LAMA2: variants seen among roughly 807,000 people sequenced by gnomAD.
LAMA2 encodes laminin subunit alpha 2, also known as laminin subunit alpha-2.
LAMA2 carries 269 observed loss-of-function variants against 364.8 expected under a neutral mutation model. The ratio of observed to expected loss-of-function variants is 0.74; its 90% CI spans 0.67 to 0.82. The LOEUF (loss-of-function observed/expected upper bound fraction) is 0.82. Ranked by LOEUF, LAMA2 falls within the 40% of genes least tolerant of loss-of-function variation. The pLI is 0.00. For missense variants in LAMA2, 3,807 were observed against 3,873.2 expected (o/e 0.98, Z 0.45); for synonymous variants, 1,379 against 1,370.6 (o/e 1.01, Z -0.14).
At chr6:129,259,910 T>A (rs1434416955) in intron 14 of LAMA2, among the ~76,000 whole-genome samples, 1 of 152,138 alleles carries the variant, frequency 6.6e-6, no homozygotes. Context: ...TTTTAAGATG[T>A]CCTTTTACAC....
At position 129,264,091 on chromosome 6, in the gene LAMA2, T is replaced by A. The variant is rs114607808; in HGVS notation, c.2209-3015T>A. On this transcript the variant is annotated intron_variant, in intron 15 of 64. Transcript: ENST00000421865. ...GGCATTATGGCTACAGTAGGAAGAA[T>A]GTGTCTTAGGAGGGCATGAATAATA... Among the ~76,000 whole-genome samples the A allele has an allele frequency of 3.3e-3, 500 of 152,218 alleles. 3 individuals carry two copies. Among genetic ancestry groups the A allele is most frequent in the African/African-American group, 0.012 (485 of 41,556 alleles).
At chr6:129,247,855 A>C (rs1273315002) in intron 12 of LAMA2, among the ~76,000 whole-genome samples, 1 of 152,118 alleles carries the variant, frequency 6.6e-6, no homozygotes, top group Non-Finnish European at 1.5e-5. Flanking sequence ...TCTATTCCTT[A>C]GTTCATGTTT....
At chr6:128,924,062 A>C (rs1562835047) in intron 1 of LAMA2, among the ~76,000 whole-genome samples, 1 of 152,068 alleles carries the variant, frequency 6.6e-6, no homozygotes. Context: ...ATTTTTTGAG[A>C]GCTACTATCT....
intron 1 of LAMA2, among the ~76,000 whole-genome samples, chr6:129,042,531 T>C (rs1787181216): frequency 6.6e-6 from 1 of 152,046 alleles, no homozygotes. Context: ...TTGAAATGCA[T>C]AAATTATCAC....
intron 27 of LAMA2, among the ~76,000 whole-genome samples, chr6:129,319,209 C>T (rs1774800629): frequency 2.0e-5 from 3 of 152,120 alleles, no homozygotes; most frequent in Admixed American, 2.0e-4. Context: ...TCATTCAGAG[C>T]ATTGGGAAGA....
intron 1 of LAMA2, among the ~76,000 whole-genome samples, chr6:128,985,550 A>T (rs768020694): frequency 2.0e-5 from 3 of 152,204 alleles, no homozygotes; most frequent in Non-Finnish European, 2.9e-5. Flanking sequence ...AAAATCTGAC[A>T]TTGATCTTCC....
intron 1 of LAMA2, among the ~76,000 whole-genome samples, chr6:128,907,698 T>C (rs1777583881): frequency 1.3e-5 from 2 of 152,208 alleles, no homozygotes; most frequent in Non-Finnish European, 2.9e-5. Context: ...AGAGAGGGCA[T>C]CCCTGTCTTG....
intron 1 of LAMA2, among the ~76,000 whole-genome samples, chr6:128,887,959 A>G (rs903789481): frequency 6.6e-6 from 1 of 152,226 alleles, no homozygotes. Context: ...TTTAGCATCT[A>G]GAAACCATGT....
At chr6:129,004,689 G>A (rs1003038116) in intron 1 of LAMA2, among the ~76,000 whole-genome samples, 1 of 152,058 alleles carries the variant, frequency 6.6e-6, no homozygotes, top group East Asian at 1.9e-4. Flanking sequence ...TAAGAATAGT[G>A]TACTTTTCTT....
chr6:129,302,427 G>A (rs768936110), intron 22 of LAMA2, among the ~76,000 whole-genome samples: 1 of 151,958 alleles, frequency 6.6e-6, no homozygotes, highest in African/African-American at 2.4e-5. Flanking sequence ...TTTAACGTAT[G>A]TTAAAGCTTG....
rs750498322 is a variant in LAMA2 at position 129,366,295 on chromosome 6, C to T, written c.4794C>T (p.Leu1598=). 6.2e-7 allele frequency: 1 copy of T among 1,613,932 alleles called. No individual in the cohort carries two copies. Among genetic ancestry groups the T allele is most frequent in the Non-Finnish European group, 8.5e-7 (1 of 1,179,964 alleles). Residue 1598 remains leucine, a synonymous_variant, in exon 33 of 65, where the codon CTC becomes CTT. Coordinates refer to ENST00000421865, the MANE Select transcript of LAMA2 (RefSeq NM_000426.4). ...AGCAGATGGTCATGAGCATCAACCTCACTGGTCCGCTGCCTGCGCCATATA... is the reference window on the plus strand; with the variant it reads ...AGCAGATGGTCATGAGCATCAACCTTACTGGTCCGCTGCCTGCGCCATATA... ...RLEQMVMSIN[L]TGPLPAPYKM... is the part of the protein sequence containing the mutation.
In LAMA2 at chr6:129,502,921, G is replaced by T; in HGVS notation, c.8357+150G>T. The T allele has an allele frequency of 3.4e-6, 3 of 880,606 alleles. No homozygotes were observed. In the South Asian group the frequency reaches 4.3e-5, roughly 13 times the overall value. 54.5% of individuals were successfully genotyped at this position (880,606 alleles called of 1,614,324 possible). On this transcript the variant is annotated intron_variant, in intron 59 of 64. Coordinates refer to ENST00000421865, the MANE Select transcript of LAMA2 (RefSeq NM_000426.4). The stretch of plus-strand genomic sequence containing the variant: ...TACAATAGAGAATAGAATTTTATTT[G>T]TCTGAGCCTGAGGAGCCCAATTTAG...
chr6:129,453,377 T>A (rs1448488934), intron 46 of LAMA2, among the ~76,000 whole-genome samples: 1 of 152,192 alleles, frequency 6.6e-6, no homozygotes, highest in Non-Finnish European at 1.5e-5. Context: ...ATACCATCAT[T>A]TCTGTTAAAT....
intron 1 of LAMA2, among the ~76,000 whole-genome samples, chr6:128,955,768 A>G (rs998317903): frequency 1.3e-5 from 2 of 152,006 alleles, no homozygotes; most frequent in Admixed American, 6.6e-5. Flanking sequence ...TATAGCTACT[A>G]TACAAAAATC....
intron 1 of LAMA2, among the ~76,000 whole-genome samples, chr6:128,888,713 G>A (rs1287722244): frequency 6.6e-6 from 1 of 152,216 alleles, no homozygotes; most frequent in African/African-American, 2.4e-5. Flanking sequence ...AGGCTCAGAG[G>A]AGAAATGGGA....
At chr6:129,341,226 G>A (rs1431044364) in intron 29 of LAMA2, among the ~76,000 whole-genome samples, 1 of 152,174 alleles carries the variant, frequency 6.6e-6, no homozygotes, top group African/African-American at 2.4e-5. Flanking sequence ...ATGAAGCAGA[G>A]CCCAGTCTAT....
intron 1 of LAMA2, among the ~76,000 whole-genome samples, chr6:129,049,425 C>T (rs1787835509): frequency 6.6e-6 from 1 of 152,012 alleles, no homozygotes; most frequent in African/African-American, 2.4e-5. Context: ...TCTATCTTCT[C>T]TAGTCTGGGA....
chr6:129,336,737 T>C (rs1354523698), intron 29 of LAMA2, among the ~76,000 whole-genome samples: 1 of 152,222 alleles, frequency 6.6e-6, no homozygotes. Context: ...AGCCAGATGT[T>C]AGCCAGCTGA....
intron 12 of LAMA2, among the ~76,000 whole-genome samples, chr6:129,249,601 T>G (rs1175541455): frequency 6.6e-6 from 1 of 152,230 alleles, no homozygotes; most frequent in African/African-American, 2.4e-5. Flanking sequence ...TAAAATTTGC[T>G]GCTAACCTTT....
Sources: gnomAD v4.1 joint callset for allele counts (sites outside exome capture counted in the v4.1 genomes callset) on GRCh38, gnomAD v4.1.1 for gene constraint, MANE v1.5 for transcripts, NCBI Gene and HGNC (gene_info 2026-07-23, HGNC 2026-07-21) for gene names.